Variants in LRRTM4 observed in about 807,000 individuals in gnomAD.
LRRTM4 encodes leucine-rich repeat transmembrane neuronal protein 4.
Under a neutral mutation model 47.6 loss-of-function variants are expected in LRRTM4, and 25 were observed. The ratio of observed to expected loss-of-function variants is 0.53; its 90% CI spans 0.38 to 0.73. The LOEUF is 0.73. Ranked by LOEUF, LRRTM4 falls within the 30% of genes least tolerant of loss-of-function variation. LRRTM4 has a pLI of 0.00. For synonymous variants in LRRTM4, 311 were observed against 269.5 expected, an observed-to-expected ratio of 1.15 and a Z score of -1.51; for missense variants, 638 against 713.4, an observed-to-expected ratio of 0.89 and a Z score of 1.20.
intron 3 of LRRTM4, among the ~76,000 whole-genome samples, chr2:76,815,714 A>T (rs1670878092): frequency 6.6e-6 from 1 of 152,160 alleles, no homozygotes; most frequent in Admixed American, 6.6e-5. Flanking sequence ...GAAGGCAAGC[A>T]TTAAACGTAG....
At chr2:77,037,199 C>G (rs150128077) in intron 3 of LRRTM4, among the ~76,000 whole-genome samples, 1 of 151,838 alleles carries the variant, frequency 6.6e-6, no homozygotes, top group East Asian at 1.9e-4. Context: ...TGTCTATATA[C>G]AGAGAGAGAA....
intron 3 of LRRTM4, among the ~76,000 whole-genome samples, chr2:77,369,176 C>A (rs1390103157): frequency 3.3e-5 from 5 of 151,670 alleles, no homozygotes; most frequent in Non-Finnish European, 5.9e-5. Flanking sequence ...TTACTTCATT[C>A]TTTTAATATG....
intron 3 of LRRTM4, among the ~76,000 whole-genome samples, chr2:77,020,944 T>G (rs1209595330): frequency 6.6e-6 from 1 of 152,150 alleles, no homozygotes; most frequent in African/African-American, 2.4e-5. Flanking sequence ...AAGTTTCGAA[T>G]TTTTGAATGG....
intron 3 of LRRTM4, among the ~76,000 whole-genome samples, chr2:77,506,168 C>T (rs1365548468): frequency 6.6e-6 from 1 of 151,312 alleles, no homozygotes; most frequent in Non-Finnish European, 1.5e-5. Flanking sequence ...ACAAAAATGA[C>T]CTGGATATAT....
chr2:77,032,309 C>T (rs912997006), intron 3 of LRRTM4, among the ~76,000 whole-genome samples: 7 of 152,210 alleles, frequency 4.6e-5, no homozygotes, highest in African/African-American at 1.7e-4. Context: ...AGAGGTTAGT[C>T]TAATCATCTC....
In LRRTM4 at chr2:77,138,451, T is replaced by A. The variant is rs199722104; in HGVS notation, c.1551+379867A>T. ...AGAACAAAGACACAACATACCAGAA[T>A]CTCTGGGACACATTTAAACAGTGTG... On this transcript the variant is annotated intron_variant, in intron 3 of 3. Transcript: ENST00000409884. 8.5e-5 allele frequency among the ~76,000 whole-genome samples: 13 copies of A among 152,184 alleles called. No homozygotes were observed. The East Asian group carries it at 2.5e-3, about 29-fold the overall frequency.
At chr2:77,118,938 G>A in intron 3 of LRRTM4, among the ~76,000 whole-genome samples, 1 of 151,798 alleles carries the variant, frequency 6.6e-6, no homozygotes, top group East Asian at 1.9e-4. Flanking sequence ...GATAACATAT[G>A]TAAACCAAGA....
intron 3 of LRRTM4, among the ~76,000 whole-genome samples, chr2:77,429,232 C>A (rs373846915): frequency 1.3e-5 from 2 of 151,912 alleles, no homozygotes; most frequent in Non-Finnish European, 2.9e-5. Flanking sequence ...ACTCCAGATA[C>A]GGAATAATCG....
chr2:77,489,377 TCTA>T (rs761026685), intron 3 of LRRTM4, among the ~76,000 whole-genome samples: 9 of 152,232 alleles, frequency 5.9e-5, no homozygotes, highest in Non-Finnish European at 1.0e-4. Context: ...TGTAGAACTG[TCTA>T]CTGATATTCA....
chr2:77,193,462 C>T (rs539517252), intron 3 of LRRTM4, among the ~76,000 whole-genome samples: 1 of 151,146 alleles, frequency 6.6e-6, no homozygotes, highest in South Asian at 2.1e-4. Flanking sequence ...AAGAATCCAT[C>T]TAGTTGTCTG....
Position 77,520,000 on chromosome 2 carries a change from G to T in LRRTM4, c.5-136C>A, listed in dbSNP as rs543050255. On this transcript the variant is annotated intron_variant, in intron 2 of 3. Coordinates refer to ENST00000409884, the MANE Select transcript of LRRTM4 (RefSeq NM_001134745.3). This position sits in a 1 kb window ranked among gnomAD's most constrained non-coding sequence, Gnocchi z 4.6. ...TTTAAGGAAAATGCATTAACATTTC[G>T]AGCATTATTTTCTTCAGTGTTGCAT... is the stretch of plus-strand genomic sequence containing the variant. 2.2e-6 allele frequency: 3 copies of T among 1,376,382 alleles called. No homozygotes were observed. The African/African-American group carries it at 4.4e-5, about 20-fold the overall frequency. The allele number at this position is 1,376,382 out of a possible 1,614,324, so 85.3% of individuals were successfully genotyped here.
At chr2:76,797,141 G>C (rs1675380332) in intron 3 of LRRTM4, among the ~76,000 whole-genome samples, 1 of 151,982 alleles carries the variant, frequency 6.6e-6, no homozygotes, top group African/African-American at 2.4e-5. Flanking sequence ...CTCGAGAAGA[G>C]CTACTCCAAT....
chr2:76,901,811 T>C (rs1255295966), intron 3 of LRRTM4, among the ~76,000 whole-genome samples: 1 of 152,142 alleles, frequency 6.6e-6, no homozygotes, highest in Non-Finnish European at 1.5e-5. Context: ...GATCTGGCAG[T>C]AACTTAGCTG....
chr2:77,008,111 G>T (rs1176962435), intron 3 of LRRTM4, among the ~76,000 whole-genome samples: 1 of 152,110 alleles, frequency 6.6e-6, no homozygotes, highest in Non-Finnish European at 1.5e-5. Context: ...TTGGCCAGAG[G>T]CATCAATGAA....
chr2:76,797,684 A>G (rs1675420761), intron 3 of LRRTM4, among the ~76,000 whole-genome samples: 2 of 151,686 alleles, frequency 1.3e-5, no homozygotes, highest in Admixed American at 6.6e-5. Flanking sequence ...TTGGATAAAG[A>G]GTCAAGACCC....
intron 3 of LRRTM4, among the ~76,000 whole-genome samples, chr2:76,849,063 C>T (rs1671917076): frequency 6.6e-6 from 1 of 152,048 alleles, no homozygotes; most frequent in African/African-American, 2.4e-5. Context: ...CCTTCAGGTA[C>T]TCTTCTTATA....
chr2:77,357,342 C>G (rs1185575949), intron 3 of LRRTM4, among the ~76,000 whole-genome samples: 1 of 152,048 alleles, frequency 6.6e-6, no homozygotes, highest in Non-Finnish European at 1.5e-5. Context: ...TTTCTATTTC[C>G]CACAATGCAT....
intron 3 of LRRTM4, among the ~76,000 whole-genome samples, chr2:76,941,214 C>T (rs112065361): frequency 0.02 from 3,112 of 152,238 alleles, 91 homozygotes; most frequent in African/African-American, 0.066. Context: ...CATCAGCAGT[C>T]TTCATTAGCA....
chr2:77,007,116 A>G (rs1374390), intron 3 of LRRTM4, among the ~76,000 whole-genome samples: 62,301 of 151,818 alleles, frequency 0.41, 12,910 homozygotes, highest in East Asian at 0.52. Flanking sequence ...ATAGAAACTC[A>G]AGAGAATTTG....
Sources: gnomAD v4.1 joint callset for allele counts (sites outside exome capture counted in the v4.1 genomes callset) on GRCh38, gnomAD v4.1.1 for gene constraint, Gnocchi (gnomAD v3.1) non-coding constraint, MANE v1.5 for transcripts, NCBI Gene and HGNC (gene_info 2026-07-23, HGNC 2026-07-21) for gene names.